CIRSR: variants seen among roughly 807,000 people sequenced by gnomAD.
CIRSR encodes corepressor of RBPJ and splicing regulator.
At chr2:174,362,094 T>C in the CIRSR span, among the ~76,000 whole-genome samples, 1 of 152,108 alleles carries the variant, frequency 6.6e-6, no homozygotes, top group Non-Finnish European at 1.5e-5. Context: ...ACCTGGGAGT[T>C]TGAGACTAGC....
chr2:174,380,670 T>C, the CIRSR span: 3 of 1,612,534 alleles, frequency 1.9e-6, no homozygotes, highest in Admixed American at 3.3e-5. Context: ...GGGGCTCCTT[T>C]CTGCCATTCA....
the CIRSR span, among the ~76,000 whole-genome samples, chr2:174,360,131 G>A: frequency 1.3e-5 from 2 of 152,224 alleles, no homozygotes; most frequent in Non-Finnish European, 2.9e-5. Context: ...AATGGGCGCA[G>A]CAAACCAACA....
At chr2:174,388,602 T>C in the CIRSR span, among the ~76,000 whole-genome samples, 4 of 152,192 alleles carry the variant, frequency 2.6e-5, no homozygotes, top group African/African-American at 9.7e-5. Flanking sequence ...ACATTTCTTA[T>C]ATATCCTTCC....
the CIRSR span, chr2:174,350,538 A>C: frequency 1.9e-6 from 1 of 526,244 alleles, no homozygotes; most frequent in East Asian, 3.2e-5. Flanking sequence ...GGTGAAGAAT[A>C]ATCAATAAAT....
chr2:174,387,617 C>T, the CIRSR span: 162 of 1,477,418 alleles, frequency 1.1e-4, 2 homozygotes, highest in South Asian at 2.0e-3. Context: ...CTTAATATAT[C>T]ATTCAGTAGG....
At chr2:174,369,795 A>G in the CIRSR span, among the ~76,000 whole-genome samples, 1 of 152,218 alleles carries the variant, frequency 6.6e-6, no homozygotes, top group Non-Finnish European at 1.5e-5. Flanking sequence ...GCCATCTTCT[A>G]TAGGTGCAGT....
chr2:174,376,098 C>A, the CIRSR span, among the ~76,000 whole-genome samples: 1 of 152,144 alleles, frequency 6.6e-6, no homozygotes, highest in Non-Finnish European at 1.5e-5. Flanking sequence ...TGAGCTCAAG[C>A]AATCCTCCTG....
chr2:174,361,981 G>GA, the CIRSR span, among the ~76,000 whole-genome samples: 4 of 152,158 alleles, frequency 2.6e-5, no homozygotes, highest in East Asian at 1.9e-4. Flanking sequence ...CCAAATATTT[G>GA]AAAAAATTAG....
the CIRSR span, among the ~76,000 whole-genome samples, chr2:174,371,970 T>C: frequency 6.6e-6 from 1 of 152,204 alleles, no homozygotes; most frequent in African/African-American, 2.4e-5. Context: ...AGACTTTTTT[T>C]GTAGCTTGAA....
chr2:174,381,119 A>G, the CIRSR span, among the ~76,000 whole-genome samples: 1 of 152,246 alleles, frequency 6.6e-6, no homozygotes, highest in Non-Finnish European at 1.5e-5. Flanking sequence ...CTAAAGATAC[A>G]TATGCAAATT....
the CIRSR span, among the ~76,000 whole-genome samples, chr2:174,359,248 CTCTGT>C: frequency 6.6e-6 from 1 of 151,268 alleles, no homozygotes; most frequent in East Asian, 1.9e-4. Context: ...GATGGCAATG[CTCTGT>C]ATCTTGTCAG....
At chr2:174,358,846 G>A in the CIRSR span, among the ~76,000 whole-genome samples, 2 of 152,124 alleles carry the variant, frequency 1.3e-5, no homozygotes, top group South Asian at 2.1e-4. Context: ...TCAAGGAGCT[G>A]GGATTACAGG....
chr2:174,371,912 A>G, the CIRSR span, among the ~76,000 whole-genome samples: 1 of 152,238 alleles, frequency 6.6e-6, no homozygotes, highest in African/African-American at 2.4e-5. Flanking sequence ...AATAATCTCT[A>G]TTCACTGGTG....
the CIRSR span, chr2:174,381,818 A>C: frequency 3.9e-6 from 3 of 762,286 alleles, no homozygotes; most frequent in South Asian, 5.4e-5. Context: ...TATGTAGGAC[A>C]AAAAAAAAAA....
the CIRSR span, among the ~76,000 whole-genome samples, chr2:174,363,943 C>T: frequency 1.3e-5 from 2 of 152,122 alleles, no homozygotes; most frequent in African/African-American, 2.4e-5. Context: ...CATTTCAAAA[C>T]AAATAATGCC....
chr2:174,370,036 A>C, the CIRSR span: 4 of 1,363,800 alleles, frequency 2.9e-6, no homozygotes, highest in Non-Finnish European at 3.9e-6. Context: ...AAGAAAGTGA[A>C]GCATGATCAA....
At chr2:174,361,512 C>G in the CIRSR span, among the ~76,000 whole-genome samples, 1 of 152,142 alleles carries the variant, frequency 6.6e-6, no homozygotes, top group Admixed American at 6.5e-5. Flanking sequence ...AACAAAAATG[C>G]CTTCAACACG....
the CIRSR span, among the ~76,000 whole-genome samples, chr2:174,353,907 A>G: frequency 1.3e-5 from 2 of 152,172 alleles, no homozygotes; most frequent in African/African-American, 2.4e-5. Context: ...ATTTTATTAG[A>G]TATCGAATGA....
chr2:174,381,374 G>A, the CIRSR span, among the ~76,000 whole-genome samples: 1 of 152,184 alleles, frequency 6.6e-6, no homozygotes, highest in Non-Finnish European at 1.5e-5. Context: ...AAGGAAGGAG[G>A]CCAGGTGCGG....
Sources: allele counts gnomAD v4.1 joint callset (sites outside exome capture counted in the v4.1 genomes callset), GRCh38; gene constraint gnomAD v4.1.1; transcripts MANE v1.5; gene names NCBI Gene and HGNC (gene_info 2026-07-23, HGNC 2026-07-21).